The following TECRL variants were observed in gnomAD, a reference collection of about 807,000 sequenced individuals.
TECRL encodes trans-2,3-enoyl-CoA reductase-like.
A neutral mutation model predicts 52.8 loss-of-function variants in TECRL; 63 were observed. That is an observed-to-expected ratio of 1.19 (90% CI 0.97 to 1.47). TECRL has a LOEUF of 1.47. Ranked by LOEUF, TECRL falls within the 40% of genes most tolerant of loss-of-function variation. The pLI is 0.00. For missense variants in TECRL, 482 were observed against 429.6 expected (o/e 1.12, Z -1.08); for synonymous variants, 164 against 141.9 (o/e 1.16, Z -1.10).
chr4:64,335,769 G>C lies in TECRL; in HGVS notation c.287-7213C>G, dbSNP rs546138912. Among the ~76,000 whole-genome samples, 7 of 152,290 alleles carry C rather than the reference G, an allele frequency of 4.6e-5. No individual in the cohort carries two copies. The East Asian group carries it at 1.3e-3, about 29-fold the overall frequency. On this transcript the variant is annotated intron_variant, in intron 2 of 11. Coordinates refer to ENST00000381210, the MANE Select transcript of TECRL (RefSeq NM_001010874.5). ...TTTACATGATTGTATGTCAGAAAGA[G>C]TATTAGGAGTCCTTTTTCTTATTAA...
At chr4:64,381,773 G>A (rs1247412719) in intron 1 of TECRL, among the ~76,000 whole-genome samples, 1 of 151,970 alleles carries the variant, frequency 6.6e-6, no homozygotes, top group Non-Finnish European at 1.5e-5. Flanking sequence ...TCTTTTTGAT[G>A]TGTTGTAAGA....
At chr4:64,359,319 T>A (rs13130088) in intron 2 of TECRL, among the ~76,000 whole-genome samples, 136,528 of 151,916 alleles carry the variant, frequency 0.9, 62,012 homozygotes, top group East Asian at 1. Flanking sequence ...TTCTTTAGAA[T>A]ATGATGACTA....
chr4:64,402,066 C>A (rs2109783027), intron 1 of TECRL, among the ~76,000 whole-genome samples: 1 of 151,920 alleles, frequency 6.6e-6, no homozygotes, highest in East Asian at 1.9e-4. Flanking sequence ...GTTACTTTTC[C>A]CTTGCCTACC....
chr4:64,403,261 C>T (rs567421447), intron 1 of TECRL, among the ~76,000 whole-genome samples: 63 of 151,846 alleles, frequency 4.1e-4, no homozygotes, highest in African/African-American at 1.4e-3. Context: ...TTTAAATTTC[C>T]AAATCAACAT....
intron 3 of TECRL, 60 bp from the exon 4 acceptor site, chr4:64,322,852 G>T (rs187758557): frequency 1.3e-4 from 161 of 1,229,236 alleles, no homozygotes; most frequent in East Asian, 6.2e-4. Context: ...TAACGATAAA[G>T]AATTTCTTAG....
At position 64,337,345 on chromosome 4, in the gene TECRL, C is replaced by T. The variant is rs570518068; in HGVS notation, c.287-8789G>A. On this transcript the variant is annotated intron_variant, in intron 2 of 11. Coordinates refer to ENST00000381210, the MANE Select transcript of TECRL (RefSeq NM_001010874.5). ...ATACTAAATGGGCAAAAACTGGAAG[C>T]ATTCCCTTTGAAAACTGGCACAAGA... Among the ~76,000 whole-genome samples the T allele has an allele frequency of 7.8e-3, 1,183 of 152,210 alleles. 18 individuals carry two copies. Among genetic ancestry groups the T allele is most frequent in the African/African-American group, 0.027 (1,110 of 41,516 alleles).
intron 1 of TECRL, among the ~76,000 whole-genome samples, chr4:64,383,949 C>A (rs1288127678): frequency 1.3e-5 from 2 of 151,756 alleles, no homozygotes; most frequent in Admixed American, 1.3e-4. Context: ...GCCTTTGATT[C>A]TTGGTGGGTG....
chr4:64,304,210 A>G (rs187867074), intron 7 of TECRL, among the ~76,000 whole-genome samples: 77 of 152,064 alleles, frequency 5.1e-4, no homozygotes, highest in Non-Finnish European at 8.8e-4. Flanking sequence ...TGTAAAGGTA[A>G]TAAGTACATC....
At chr4:64,368,304 T>A (rs2109646819) in intron 2 of TECRL, among the ~76,000 whole-genome samples, 1 of 152,070 alleles carries the variant, frequency 6.6e-6, no homozygotes, top group Non-Finnish European at 1.5e-5. Flanking sequence ...TTTGTTTGTT[T>A]GTTTGTTTGA....
At chr4:64,320,169 T>C (rs973355109) in intron 4 of TECRL, among the ~76,000 whole-genome samples, 1 of 151,908 alleles carries the variant, frequency 6.6e-6, no homozygotes, top group South Asian at 2.1e-4. Flanking sequence ...TATTTTCATA[T>C]TAATCTTTTA....
At chr4:64,329,715 T>G (rs147405697) in intron 2 of TECRL, among the ~76,000 whole-genome samples, 196 of 151,994 alleles carry the variant, frequency 1.3e-3, no homozygotes, top group Non-Finnish European at 2.3e-3. Context: ...CCAAGTAATT[T>G]TATTTGGTTA....
In TECRL at chr4:64,329,052, G is replaced by C. The variant is rs531136443; in HGVS notation, c.287-496C>G. Among the ~76,000 whole-genome samples the C allele has an allele frequency of 6.4e-4, 97 of 151,866 alleles. 3 individuals are homozygous for C. Among genetic ancestry groups the C allele is most frequent in the Middle Eastern group, 3.4e-3 (1 of 292 alleles). ...TGACTTTTAATATTATGAGTTTATTGGTCATAGCAGAAGCATCACTTGAAA... is the reference window on the plus strand; with the variant it reads ...TGACTTTTAATATTATGAGTTTATTCGTCATAGCAGAAGCATCACTTGAAA... On this transcript the variant is annotated intron_variant, in intron 2 of 11. Coordinates refer to ENST00000381210, the MANE Select transcript of TECRL (RefSeq NM_001010874.5).
In TECRL at chr4:64,330,061, A is replaced by T. The variant is rs116622349; in HGVS notation, c.287-1505T>A. Among the ~76,000 whole-genome samples, 516 of 152,016 alleles carry T rather than the reference A, an allele frequency of 3.4e-3. 5 individuals are homozygous for T. The highest frequency in any genetic ancestry group is 0.011 in the African/African-American group (475 of 41,524). ...AAAAAGGAGAAACTAAAAATGAAGA[A>T]AAAATCAGAGAAACATCTATCATGG... On this transcript the variant is annotated intron_variant, in intron 2 of 11. Transcript: ENST00000381210.
chr4:64,337,305 C>T (rs1003024643), intron 2 of TECRL, among the ~76,000 whole-genome samples: 2 of 152,066 alleles, frequency 1.3e-5, no homozygotes, highest in Non-Finnish European at 2.9e-5. Context: ...TTATGACAAA[C>T]CCACAGCCAA....
rs139815073 is a variant in TECRL, at chr4:64,327,632, T to A, written c.331+880A>T. Among the ~76,000 whole-genome samples, 718 of 152,184 alleles carry A rather than the reference T, an allele frequency of 4.7e-3. 4 individuals carry two copies. Among genetic ancestry groups the A allele is most frequent in the Admixed American group, 9.0e-3 (138 of 15,256 alleles). On this transcript the variant is annotated intron_variant, in intron 3 of 11. Coordinates refer to ENST00000381210, the MANE Select transcript of TECRL (RefSeq NM_001010874.5). ...GAGAGAATCAGAAAAGTGTGGCTCCTAGAAATCTTGCATATTTCTTTGTTT... is the reference window on the plus strand; with the variant it reads ...GAGAGAATCAGAAAAGTGTGGCTCCAAGAAATCTTGCATATTTCTTTGTTT...
chr4:64,328,392 C>T lies in TECRL; in HGVS notation c.331+120G>A, dbSNP rs79931153. 2.7e-3 allele frequency: 2,013 copies of T among 735,312 alleles called. 5 individuals are homozygous for T. The highest frequency in any genetic ancestry group is 3.9e-3 in the African/African-American group (214 of 54,264). 45.5% of individuals were successfully genotyped at this position (735,312 alleles called of 1,614,324 possible). A position where few individuals can be genotyped will look rare whatever the true frequency, so the allele number is the denominator to read the frequency against. ...AAAAGTGGAGCTCTAGTTTGTTGGG[C>T]GAATCAATTAAATAATACTAATATT... is the stretch of plus-strand genomic sequence containing the variant. On this transcript the variant is annotated intron_variant, in intron 3 of 11. Coordinates refer to ENST00000381210, the MANE Select transcript of TECRL (RefSeq NM_001010874.5).
At chr4:64,345,422 C>G (rs1719882853) in intron 2 of TECRL, among the ~76,000 whole-genome samples, 1 of 151,404 alleles carries the variant, frequency 6.6e-6, no homozygotes, top group Admixed American at 6.6e-5. Flanking sequence ...AAGCTGGAAA[C>G]CATCATTCTC....
chr4:64,378,001 T>C (rs1722518586), intron 1 of TECRL, among the ~76,000 whole-genome samples: 1 of 152,036 alleles, frequency 6.6e-6, no homozygotes, highest in Non-Finnish European at 1.5e-5. Context: ...AACCTAAATT[T>C]GTCACTAAAC....
intron 4 of TECRL, among the ~76,000 whole-genome samples, chr4:64,315,284 G>T (rs1041351316): frequency 2.6e-5 from 4 of 152,008 alleles, no homozygotes; most frequent in African/African-American, 9.7e-5. Context: ...TAATTCTAAT[G>T]AGTCTGGTTG....
Sources: allele counts gnomAD v4.1 joint callset (sites outside exome capture counted in the v4.1 genomes callset), GRCh38; gene constraint gnomAD v4.1.1; transcripts MANE v1.5; gene names NCBI Gene and HGNC (gene_info 2026-07-23, HGNC 2026-07-21).